The following TRPM8 variants were observed in gnomAD, a reference collection of about 807,000 sequenced individuals.
The protein encoded by TRPM8 is transient receptor potential cation channel subfamily M member 8.
A neutral mutation model predicts 133.7 loss-of-function variants in TRPM8; 110 were observed. The ratio of observed to expected loss-of-function variants is 0.82; its 90% CI spans 0.70 to 0.96. TRPM8 has a LOEUF of 0.96. Ranked by LOEUF, TRPM8 falls within the 40% of genes least tolerant of loss-of-function variation. The pLI, the probability that TRPM8 is intolerant of heterozygous loss-of-function variation, is 0.00. For synonymous variants in TRPM8, 535 were observed against 532.3 expected, an observed-to-expected ratio of 1.01 and a Z score of -0.07; for missense variants, 1,291 against 1,379.5, an observed-to-expected ratio of 0.94 and a Z score of 1.02.
At chr2:234,007,012 A>C in intron 23 of TRPM8, 60 bp downstream of exon 23, 1 of 1,301,450 alleles carries the variant, frequency 7.7e-7, no homozygotes, top group Non-Finnish European at 1.1e-6. Flanking sequence ...AGCCCATAGA[A>C]CGTAGGCAGC....
chr2:234,005,302 C>T (rs1287565660), intron 22 of TRPM8, among the ~76,000 whole-genome samples: 2 of 152,114 alleles, frequency 1.3e-5, no homozygotes, highest in Non-Finnish European at 2.9e-5. Context: ...GCTAATTTTC[C>T]AGCATGGTTA....
Position 233,998,498 on chromosome 2 carries a change from G to A in TRPM8, c.3130+1982G>A, listed in dbSNP as rs180837782. On this transcript the variant is annotated intron_variant, in intron 22 of 25. Coordinates refer to ENST00000324695, the MANE Select transcript of TRPM8 (RefSeq NM_024080.5). ...AGGGTGAGCAGCCTGCGCCCAACCA[G>A]TTAGGGTGCCAGCAGCCTGCGCCCA... is the stretch of plus-strand genomic sequence containing the variant. Among the ~76,000 whole-genome samples the A allele has an allele frequency of 2.2e-3, 329 of 152,142 alleles. 7 individuals carry two copies. Among genetic ancestry groups the A allele is most frequent in the Non-Finnish European group, 3.5e-4 (24 of 67,980 alleles).
intron 3 of TRPM8, among the ~76,000 whole-genome samples, chr2:233,932,379 T>A (rs933674390): frequency 1.3e-5 from 2 of 152,222 alleles, no homozygotes; most frequent in African/African-American, 2.4e-5. Flanking sequence ...AGTCCTGGGC[T>A]GATGTTTATG....
At chr2:233,999,123 C>A (rs1692483235) in intron 22 of TRPM8, among the ~76,000 whole-genome samples, 1 of 151,350 alleles carries the variant, frequency 6.6e-6, no homozygotes, top group African/African-American at 2.5e-5. Flanking sequence ...TTTATTTGCC[C>A]ATGATTCTGT....
In TRPM8 at chr2:234,006,745, A is replaced by C. The variant is rs559170078; in HGVS notation, c.3131-108A>C. On this transcript the variant is annotated intron_variant, in intron 22 of 25. Transcript: ENST00000324695. ...AGTCAAACCAGCCTGTGCAGGACGA[A>C]TCTCATTCTTAGTTCTAGAGTCTCA... is the stretch of plus-strand genomic sequence containing the variant. 9.2e-6 allele frequency: 7 copies of C among 763,414 alleles called. No homozygotes were observed. The African/African-American group carries it at 1.2e-4, about 13-fold the overall frequency. 47.3% of individuals were successfully genotyped at this position (763,414 alleles called of 1,614,324 possible).
chr2:234,004,033 ACAAATCCCC>A (rs1275175554), intron 22 of TRPM8, among the ~76,000 whole-genome samples: 1 of 152,212 alleles, frequency 6.6e-6, no homozygotes, highest in African/African-American at 2.4e-5. Context: ...TAAAATGGAA[ACAAATCCCC>A]CAATTTGGCC....
Position 233,983,231 on chromosome 2 carries a change from C to T in TRPM8, c.2761+7C>T, listed in dbSNP as rs1559541067. 2 of 1,614,050 alleles carry T rather than the reference C, an allele frequency of 1.2e-6. No individual in the cohort carries two copies. Among genetic ancestry groups the T allele is most frequent in the Non-Finnish European group, 8.5e-7 (1 of 1,179,984 alleles). ...GTGCCCAGTGACGTGGATGGTAAGC[C>T]TGACTTGGCTCAGATGGAAACAGCT... On this transcript the variant is annotated splice_region_variant and intron_variant, in intron 20 of 25. Coordinates refer to ENST00000324695, the MANE Select transcript of TRPM8 (RefSeq NM_024080.5).
rs981257589 is a variant in TRPM8 at position 233,939,108 on chromosome 2, G to C, written c.459G>C (p.Lys153Asn). 6.2e-7 allele frequency: 1 copy of C among 1,614,198 alleles called. No homozygotes were observed. Among genetic ancestry groups the C allele is most frequent in the Non-Finnish European group, 8.5e-7 (1 of 1,180,040 alleles). The change falls in exon 5 of 26, where the codon AAG (lysine) becomes AAC (asparagine). Residue 153 changes from lysine to asparagine, a missense_variant. Around this residue, in one of 2 missense-constraint regions of TRPM8, gnomAD observed 963 missense variants for 968.9 expected, o/e 0.99. Transcript: ENST00000324695. The part of the protein sequence containing the change: ...NLVISVTGGA[K>N]NFALKPRMRK... ...TCATTTCTGTGACCGGGGGCGCCAA[G>C]AACTTCGCCCTGAAGCCGCGCATGC...
At chr2:233,994,467 T>C (rs925289274) in intron 21 of TRPM8, among the ~76,000 whole-genome samples, 6 of 152,208 alleles carry the variant, frequency 3.9e-5, no homozygotes, top group African/African-American at 1.4e-4. Flanking sequence ...CATAGGAGCT[T>C]ACATGGAGGA....
chr2:234,006,604 G>A (rs1358572175), intron 22 of TRPM8, among the ~76,000 whole-genome samples: 5 of 152,188 alleles, frequency 3.3e-5, no homozygotes, highest in African/African-American at 7.2e-5. Flanking sequence ...GATTTAGATC[G>A]ATTATTTAGA....
chr2:233,947,219 CA>C, intron 8 of TRPM8, 64 bp downstream of exon 8: 1 of 1,602,084 alleles, frequency 6.2e-7, no homozygotes. Context: ...TTTGTATTTT[CA>C]AGGATTTGGG....
At position 233,969,827 on chromosome 2, in the gene TRPM8, A is replaced by G; in HGVS notation, c.2138+20A>G. 2 of 1,472,282 alleles carry G rather than the reference A, an allele frequency of 1.4e-6. No homozygotes were observed. Among genetic ancestry groups the G allele is most frequent in the African/African-American group, 2.8e-5 (2 of 72,124 alleles). The allele number at this position is 1,472,282 out of a possible 1,614,324, so 91.2% of individuals were successfully genotyped here. A position where few individuals can be genotyped will look rare whatever the true frequency, so the allele number is the denominator to read the frequency against. On this transcript the variant is annotated intron_variant, in intron 16 of 25. Transcript: ENST00000324695. Reference sequence around the variant, plus strand: ...ATTTAGGTACAAACCAAGGCACATAATCGTGTGTGAGTGTGTGTGCCAGTG... The same window carrying G: ...ATTTAGGTACAAACCAAGGCACATAGTCGTGTGTGAGTGTGTGTGCCAGTG...
intron 8 of TRPM8, among the ~76,000 whole-genome samples, chr2:233,949,121 C>T (rs1038265170): frequency 3.9e-5 from 6 of 152,206 alleles, no homozygotes; most frequent in African/African-American, 1.4e-4. Context: ...GACACACCCA[C>T]GACCACCTGT....
At chr2:233,954,909 C>A in intron 10 of TRPM8, 2 of 429,626 alleles carry the variant, frequency 4.7e-6, no homozygotes, top group Admixed American at 4.0e-5. Context: ...AATGGAAAAA[C>A]ATTACTGTAG....
chr2:233,925,774 G>A (rs960711736), intron 1 of TRPM8, among the ~76,000 whole-genome samples: 3 of 152,150 alleles, frequency 2.0e-5, no homozygotes, highest in Non-Finnish European at 4.4e-5. Flanking sequence ...CAACCCCAGA[G>A]GTTGAGTAGG....
chr2:234,008,207 C>A, intron 24 of TRPM8, 104 bp downstream of exon 24: 1 of 1,177,764 alleles, frequency 8.5e-7, no homozygotes, highest in Non-Finnish European at 1.2e-6. Context: ...AAGTTATATT[C>A]AGCTTTCTTA....
At chr2:234,013,924 T>G (rs1692898770) in intron 24 of TRPM8, 1 of 152,180 alleles carries the variant, frequency 6.6e-6, no homozygotes, top group African/African-American at 2.4e-5. Context: ...ACAGATTTTT[T>G]TCTTGAGTGA....
intron 6 of TRPM8, among the ~76,000 whole-genome samples, chr2:233,945,093 T>C (rs1328488055): frequency 2.0e-5 from 3 of 152,222 alleles, no homozygotes; most frequent in Non-Finnish European, 2.9e-5. Flanking sequence ...TATTTTTTCC[T>C]TCTGTTCTCC....
intron 3 of TRPM8, among the ~76,000 whole-genome samples, chr2:233,932,247 C>T (rs568830539): frequency 2.0e-5 from 3 of 152,248 alleles, no homozygotes; most frequent in African/African-American, 7.2e-5. Context: ...TTGTTCCTGC[C>T]CTTCTCTGAT....
Sources: allele counts gnomAD v4.1 joint callset (sites outside exome capture counted in the v4.1 genomes callset), GRCh38; gene constraint gnomAD v4.1.1; regional missense constraint gnomAD v4.1.1; transcripts MANE v1.5; gene names NCBI Gene and HGNC (gene_info 2026-07-23, HGNC 2026-07-21).